The following SFI1 variants were observed in gnomAD, a reference collection of about 807,000 sequenced individuals.
SFI1 encodes SFI1 centrin binding protein.
A neutral mutation model predicts 207.5 loss-of-function variants in SFI1; 195 were observed. That is an observed-to-expected ratio of 0.94 (90% confidence interval 0.84 to 1.06). The LOEUF (loss-of-function observed/expected upper bound fraction) is 1.06. Among genes scored for constraint, SFI1 ranks in the 50% least tolerant of loss-of-function variants. The pLI is 0.00. For synonymous variants in SFI1, 630 were observed against 598.9 expected (o/e 1.05, Z -0.76); for missense variants, 1,634 against 1,588.0 (o/e 1.03, Z -0.49).
At chr22:31,517,823 A>C (rs1184133926) in intron 2 of SFI1, among the ~76,000 whole-genome samples, 2 of 152,126 alleles carry the variant, frequency 1.3e-5, no homozygotes, top group East Asian at 3.9e-4. Context: ...CAAAATCGTG[A>C]TGTCTTGAAT....
At chr22:31,499,456 A>G (rs1224358991) in intron 1 of SFI1, among the ~76,000 whole-genome samples, 14 of 152,184 alleles carry the variant, frequency 9.2e-5, no homozygotes, top group African/African-American at 3.4e-4. Context: ...ACAGGTGTGA[A>G]TCACCGTGCC....
At chr22:31,594,530 A>G (rs1194339935) in intron 15 of SFI1, among the ~76,000 whole-genome samples, 68 of 130,326 alleles carry the variant, frequency 5.2e-4, no homozygotes, top group Admixed American at 1.7e-3. Context: ...CCTGGGTGAC[A>G]GGGCGAGACG....
intron 3 of SFI1, among the ~76,000 whole-genome samples, chr22:31,529,233 G>C (rs2058231623): frequency 6.6e-6 from 1 of 152,156 alleles, no homozygotes; most frequent in African/African-American, 2.4e-5. Context: ...AGATATATTA[G>C]AGACATCTGT....
At chr22:31,526,181 A>G (rs960947778) in intron 2 of SFI1, among the ~76,000 whole-genome samples, 1 of 152,188 alleles carries the variant, frequency 6.6e-6, no homozygotes, top group Non-Finnish European at 1.5e-5. Flanking sequence ...CTCAAATATG[A>G]TACCTGTATT....
intron 7 of SFI1, among the ~76,000 whole-genome samples, chr22:31,558,730 G>A (rs2061403712): frequency 6.6e-6 from 1 of 152,104 alleles, no homozygotes; most frequent in African/African-American, 2.4e-5. Flanking sequence ...ACCGGCCTCA[G>A]CCTCTCCAAG....
At chr22:31,520,541 C>T (rs937925521) in intron 2 of SFI1, among the ~76,000 whole-genome samples, 3 of 151,972 alleles carry the variant, frequency 2.0e-5, no homozygotes, top group Admixed American at 6.6e-5. Context: ...CTAATACTCA[C>T]GGAGGGTTGG....
rs749233741 is a variant in SFI1, at chr22:31,604,296, C to CAGAA, written c.1882-13_1882-12insAGAA. ...CCCCAGCCCACGGTAGCTGCTTTCT[C>CAGAA]CTCTGTCTGCAGTGCCTGGCCCTGC... On this transcript the variant is annotated splice_polypyrimidine_tract_variant and intron_variant, in intron 18 of 32. Transcript: ENST00000400288. 1.0e-5 allele frequency: 16 copies of CAGAA among 1,561,720 alleles called. No individual in the cohort carries two copies. In the East Asian group the frequency reaches 3.8e-4, roughly 37 times the overall value.
At chr22:31,537,480 C>A (rs1374048230) in intron 4 of SFI1, among the ~76,000 whole-genome samples, 1 of 152,150 alleles carries the variant, frequency 6.6e-6, no homozygotes, top group African/African-American at 2.4e-5. Context: ...TTAAAACATT[C>A]GCATTATGCT....
chr22:31,573,863 TC>T (rs1399375212), intron 9 of SFI1, among the ~76,000 whole-genome samples: 1 of 152,222 alleles, frequency 6.6e-6, no homozygotes, highest in African/African-American at 2.4e-5. Context: ...AATCAACACT[TC>T]CCTACATCTT....
At chr22:31,613,271 G>A (rs372669398) in intron 25 of SFI1, 55 bp downstream of exon 25, 226 of 1,609,234 alleles carry the variant, frequency 1.4e-4, no homozygotes, top group Admixed American at 5.2e-4. Context: ...CCTTAGCCCT[G>A]CCTTGGGTGG....
intron 8 of SFI1, among the ~76,000 whole-genome samples, chr22:31,567,147 C>T (rs1384649306): frequency 3.9e-5 from 6 of 152,146 alleles, no homozygotes; most frequent in South Asian, 2.1e-4. Context: ...CCTCATGATC[C>T]GCCCACCTCG....
chr22:31,615,095 C>G lies in SFI1; in HGVS notation c.3116C>G (p.Ala1039Gly). 6.2e-7 allele frequency: 1 copy of G among 1,606,450 alleles called. No individual in the cohort carries two copies. The highest frequency in any genetic ancestry group is 8.5e-7 in the Non-Finnish European group (1 of 1,176,612). ...GGCCTAGGCATGGCTCAGCCAGCAG[C>G]CCCCTCCCTGACGCGGCCCTTCCTG... ...EHGLGMAQPA[A>G]PSLTRPFLAE... Residue 1039 changes from alanine (A) to glycine (G), a missense_variant, in exon 29 of 33, where the codon GCC becomes GGC. Coordinates refer to ENST00000400288, the MANE Select transcript of SFI1 (RefSeq NM_001007467.3).
intron 24 of SFI1, 64 bp downstream of exon 24, chr22:31,611,904 G>A: frequency 6.3e-7 from 1 of 1,599,222 alleles, no homozygotes. Context: ...TGAGGCCTGG[G>A]CAGTGAATGA....
At chr22:31,576,110 C>T (rs1374738759) in intron 10 of SFI1, among the ~76,000 whole-genome samples, 4 of 150,164 alleles carry the variant, frequency 2.7e-5, no homozygotes, top group South Asian at 2.1e-4. Context: ...CTGCAATCTC[C>T]GCCTCCCAGG....
intron 1 of SFI1, among the ~76,000 whole-genome samples, chr22:31,499,999 A>AC (rs1353412670): frequency 4.7e-5 from 7 of 150,272 alleles, no homozygotes; most frequent in African/African-American, 7.4e-5. Context: ...AAAAAAAAAA[A>AC]AAAACATTGA....
rs564053389 is a variant in SFI1, at chr22:31,615,360, A to G, written c.3300+81A>G. 1.5e-3 allele frequency: 1,937 copies of G among 1,292,238 alleles called. 10 individuals carry two copies. Among genetic ancestry groups the G allele is most frequent in the Middle Eastern group, 8.7e-3 (32 of 3,682 alleles). 80.0% of individuals were successfully genotyped at this position (1,292,238 alleles called of 1,614,324 possible). On this transcript the variant is annotated intron_variant, in intron 29 of 32. Transcript: ENST00000400288. ...TGGTGCTTTCTCATGCCACAGCTGT[A>G]CTAGTTTCTGGAAAACCTTGGCACA...
chr22:31,524,523 A>G (rs2057671804), intron 2 of SFI1, among the ~76,000 whole-genome samples: 1 of 151,706 alleles, frequency 6.6e-6, no homozygotes, highest in African/African-American at 2.4e-5. Flanking sequence ...CCCAGGCTCA[A>G]GCTATCCTCT....
intron 8 of SFI1, among the ~76,000 whole-genome samples, chr22:31,569,947 C>CAA (rs71202099): frequency 1.4e-4 from 18 of 131,296 alleles, no homozygotes; most frequent in East Asian, 4.5e-4. Flanking sequence ...GAACCTATCT[C>CAA]AAAAAAAAAA....
chr22:31,600,172 G>A (rs773951375), intron 15 of SFI1, among the ~76,000 whole-genome samples: 2 of 152,198 alleles, frequency 1.3e-5, no homozygotes, highest in Non-Finnish European at 2.9e-5. Context: ...ACAGGCATGA[G>A]CCACCAGGCC....
Sources: gnomAD v4.1 joint callset for allele counts (sites outside exome capture counted in the v4.1 genomes callset) on GRCh38, gnomAD v4.1.1 for gene constraint, MANE v1.5 for transcripts, NCBI Gene and HGNC (gene_info 2026-07-23, HGNC 2026-07-21) for gene names.